Variants in SNX29 observed in about 807,000 individuals in gnomAD.
The protein encoded by SNX29 is sorting nexin 29.
SNX29 carries 78 observed loss-of-function variants against 102.1 expected under a neutral mutation model. That is an observed-to-expected ratio of 0.76 (90% confidence interval 0.64 to 0.92). The LOEUF is 0.92. Among genes scored for constraint, SNX29 ranks in the 40% least tolerant of loss-of-function variants. SNX29 has a pLI of 0.00. For synonymous variants in SNX29, 580 were observed against 414.5 expected, an observed-to-expected ratio of 1.40 and a Z score of -4.85; for missense variants, 1,280 against 1,061.7, an observed-to-expected ratio of 1.21 and a Z score of -2.86.
At chr16:12,528,224 A>C (rs1013351089) in intron 20 of SNX29, among the ~76,000 whole-genome samples, 1 of 151,640 alleles carries the variant, frequency 6.6e-6, no homozygotes, top group Non-Finnish European at 1.5e-5. Context: ...TTTTGAGACA[A>C]GTTCTCACTC....
At chr16:12,175,959 T>C (rs945467075) in intron 13 of SNX29, among the ~76,000 whole-genome samples, 5 of 152,130 alleles carry the variant, frequency 3.3e-5, no homozygotes, top group Non-Finnish European at 7.4e-5. Context: ...TGAGCTATGA[T>C]TGTGTCATTG....
chr16:12,183,641 A>G (rs1404112080), intron 13 of SNX29, among the ~76,000 whole-genome samples: 4 of 152,228 alleles, frequency 2.6e-5, no homozygotes, highest in African/African-American at 7.2e-5. Context: ...TGTCAGAGGC[A>G]TTTGAACCAG....
chr16:12,089,821 C>A, intron 11 of SNX29: 1 of 395,704 alleles, frequency 2.5e-6, no homozygotes, highest in Non-Finnish European at 5.0e-6. Context: ...AGAGCACACT[C>A]AGCAGTGCGT....
intron 14 of SNX29, among the ~76,000 whole-genome samples, chr16:12,275,172 G>A (rs1007547385): frequency 6.6e-6 from 1 of 152,176 alleles, no homozygotes; most frequent in Admixed American, 6.5e-5. Flanking sequence ...ATCTGGCTGT[G>A]CCATTCCACT....
At chr16:12,020,770 C>G (rs1237075828) in intron 3 of SNX29, among the ~76,000 whole-genome samples, 2 of 151,930 alleles carry the variant, frequency 1.3e-5, no homozygotes, top group East Asian at 1.9e-4. Context: ...ATTACAGGCA[C>G]TCGCCACCAT....
chr16:12,338,475 C>G (rs1225003297), intron 15 of SNX29, among the ~76,000 whole-genome samples: 1 of 152,184 alleles, frequency 6.6e-6, no homozygotes. Flanking sequence ...CACCGTGCAT[C>G]AGGCGTTGTG....
At chr16:12,518,689 A>T (rs2089973288) in intron 19 of SNX29, among the ~76,000 whole-genome samples, 1 of 152,190 alleles carries the variant, frequency 6.6e-6, no homozygotes, top group Admixed American at 6.5e-5. Flanking sequence ...AAAGGATCCC[A>T]GCTAAACATC....
chr16:12,545,809 C>G (rs749343660), intron 20 of SNX29, among the ~76,000 whole-genome samples: 1 of 152,050 alleles, frequency 6.6e-6, no homozygotes, highest in African/African-American at 2.4e-5. Flanking sequence ...AGGGGCCTCC[C>G]TACTGACTCT....
At chr16:11,979,811 T>C (rs1435984720) in intron 1 of SNX29, among the ~76,000 whole-genome samples, 1 of 152,088 alleles carries the variant, frequency 6.6e-6, no homozygotes, top group Non-Finnish European at 1.5e-5. Context: ...CTCGAACTCC[T>C]GGCTTCATGT....
At chr16:12,062,336 G>C (rs897880076) in intron 9 of SNX29, among the ~76,000 whole-genome samples, 7 of 150,980 alleles carry the variant, frequency 4.6e-5, no homozygotes, top group African/African-American at 1.7e-4. Context: ...CCGATATCGT[G>C]GCACTGTACA....
Position 12,551,686 on chromosome 16 carries a change from C to T in SNX29, c.2319-16820C>T, listed in dbSNP as rs1468536324. Reference sequence around the variant, plus strand: ...GTTCCTGTGCAGTAGGATAAAAGTACCACCCTCCTTTCAGGTGGTGAGCCA... The same window carrying T: ...GTTCCTGTGCAGTAGGATAAAAGTATCACCCTCCTTTCAGGTGGTGAGCCA... On this transcript the variant is annotated intron_variant, in intron 20 of 20. Coordinates refer to ENST00000566228, the MANE Select transcript of SNX29 (RefSeq NM_032167.5). Among the ~76,000 whole-genome samples the T allele has an allele frequency of 4.6e-5, 7 of 152,284 alleles. No homozygotes were observed. The East Asian group carries it at 1.3e-3, about 29-fold the overall frequency.
intron 20 of SNX29, among the ~76,000 whole-genome samples, chr16:12,547,048 GAC>G (rs2077649767): frequency 6.6e-6 from 1 of 152,196 alleles, no homozygotes; most frequent in East Asian, 1.9e-4. Context: ...TTTCATGGGG[GAC>G]ACAGACATTG....
rs1308901934 is a variant in SNX29, at chr16:12,569,733, C to G, written c.*1104C>G. The G allele has an allele frequency of 4.3e-6, 1 of 230,498 alleles. No individual in the cohort carries two copies. The highest frequency in any genetic ancestry group is 8.6e-6 in the Non-Finnish European group (1 of 116,440). The allele number at this position is 230,498 out of a possible 1,614,324, so 14.3% of individuals were successfully genotyped here. A position where few individuals can be genotyped will look rare whatever the true frequency, so the allele number is the denominator to read the frequency against. ...ATGGGGACCAGCAGCTGGGCAGCCC[C>G]CAGGGCTCCTCCTCCAGTGAGCTCA... On this transcript the variant is annotated 3_prime_UTR_variant, in exon 21 of 21. Transcript: ENST00000566228.
chr16:12,399,428 C>T (rs1053454981), intron 17 of SNX29, among the ~76,000 whole-genome samples: 1 of 152,180 alleles, frequency 6.6e-6, no homozygotes, highest in East Asian at 1.9e-4. Flanking sequence ...AAGTTGTCTC[C>T]TCTCTCATTC....
At chr16:12,538,244 T>G (rs1205993714) in intron 20 of SNX29, among the ~76,000 whole-genome samples, 1 of 152,180 alleles carries the variant, frequency 6.6e-6, no homozygotes, top group African/African-American at 2.4e-5. Context: ...GTCTCCCTAG[T>G]AGCTGGGATT....
intron 17 of SNX29, among the ~76,000 whole-genome samples, chr16:12,400,168 C>G (rs7186641): frequency 0.17 from 25,995 of 152,190 alleles, 2,483 homozygotes; most frequent in Middle Eastern, 0.24. Context: ...CACCATTCCC[C>G]TCTCAGCATG....
intron 20 of SNX29, among the ~76,000 whole-genome samples, chr16:12,545,935 T>C (rs1206069176): frequency 1.3e-5 from 2 of 152,144 alleles, no homozygotes; most frequent in Non-Finnish European, 1.5e-5. Flanking sequence ...TTAATATTTA[T>C]GTATTATCCT....
chr16:12,294,521 C>G (rs1002924766), intron 15 of SNX29, among the ~76,000 whole-genome samples: 1 of 152,178 alleles, frequency 6.6e-6, no homozygotes, highest in Non-Finnish European at 1.5e-5. Context: ...TCCATAGGCA[C>G]CCGCCTCCCT....
chr16:12,167,108 G>A (rs12446101), intron 13 of SNX29, among the ~76,000 whole-genome samples: 27,061 of 152,186 alleles, frequency 0.18, 2,503 homozygotes, highest in East Asian at 0.27. Flanking sequence ...ATGAAGTCTT[G>A]GCTTTGCTGG....
Sources: allele counts gnomAD v4.1 joint callset (sites outside exome capture counted in the v4.1 genomes callset), GRCh38; gene constraint gnomAD v4.1.1; transcripts MANE v1.5; gene names NCBI Gene and HGNC (gene_info 2026-07-23, HGNC 2026-07-21).